KNDC1: variants seen among roughly 807,000 people sequenced by gnomAD.
KNDC1 encodes kinase non-catalytic C-lobe domain-containing protein 1.
KNDC1 carries 106 observed loss-of-function variants against 172.8 expected under a neutral mutation model. The ratio of observed to expected loss-of-function variants is 0.61; its 90% CI spans 0.52 to 0.72. The LOEUF (loss-of-function observed/expected upper bound fraction) is 0.72, where lower values mean the gene tolerates loss of function less well. KNDC1 is among the 30% of genes least tolerant of loss of function. KNDC1 has a pLI of 0.00. For synonymous variants in KNDC1, 1,083 were observed against 1,062.2 expected, an observed-to-expected ratio of 1.02 and a Z score of -0.38; for missense variants, 2,325 against 2,394.5, an observed-to-expected ratio of 0.97 and a Z score of 0.61.
chr10:133,221,581 G>C (rs1051700103), intron 29 of KNDC1, among the ~76,000 whole-genome samples: 2 of 152,196 alleles, frequency 1.3e-5, no homozygotes, highest in Admixed American at 1.3e-4. Flanking sequence ...CCCAGGCCAC[G>C]GCGGCTCCAC....
chr10:133,180,982 A>C (rs1305634685), intron 3 of KNDC1, among the ~76,000 whole-genome samples: 1 of 152,250 alleles, frequency 6.6e-6, no homozygotes, highest in African/African-American at 2.4e-5. Flanking sequence ...GGTTTGTCGC[A>C]GCTGTCAGAA....
intron 9 of KNDC1, 116 bp from the exon 10 acceptor site, chr10:133,195,547 G>C (rs1455791563): frequency 1.0e-6 from 1 of 982,554 alleles, no homozygotes; most frequent in African/African-American, 1.7e-5. Context: ...CTTGAGGAGA[G>C]CCCCTCTGTG....
chr10:133,205,371 C>T (rs1845157452), intron 17 of KNDC1, among the ~76,000 whole-genome samples: 1 of 152,256 alleles, frequency 6.6e-6, no homozygotes, highest in African/African-American at 2.4e-5. Context: ...GTGATCAGGA[C>T]CTGCCCGTCT....
intron 26 of KNDC1, among the ~76,000 whole-genome samples, chr10:133,214,898 G>A (rs1364287195): frequency 6.6e-6 from 1 of 152,324 alleles, no homozygotes; most frequent in East Asian, 1.9e-4. Flanking sequence ...GGGCTTACCT[G>A]CCCAGGAGGC....
Position 133,224,649 on chromosome 10 carries a change from T to C in KNDC1, c.5019-10T>C. ...GTGCAAACTAACGTCTCTTCTTTCC[T>C]CAACGGAAGGAACATCGCAAAGGTG... On this transcript the variant is annotated splice_polypyrimidine_tract_variant and intron_variant, in intron 29 of 29. Transcript: ENST00000304613. The surrounding 1 kb of genome is among the most constrained non-coding windows in gnomAD (Gnocchi z 5.4). 1.2e-6 allele frequency: 2 copies of C among 1,611,154 alleles called. No individual in the cohort carries two copies. Among genetic ancestry groups the C allele is most frequent in the Non-Finnish European group, 1.7e-6 (2 of 1,177,530 alleles).
chr10:133,185,973 G>T lies in KNDC1; in HGVS notation c.626-1G>T. 7.0e-7 allele frequency: 1 copy of T among 1,435,632 alleles called. No individual in the cohort carries two copies. Among genetic ancestry groups the T allele is most frequent in the Non-Finnish European group, 9.3e-7 (1 of 1,077,408 alleles). 88.9% of individuals were successfully genotyped at this position (1,435,632 alleles called of 1,614,324 possible). A position where few individuals can be genotyped will look rare whatever the true frequency, so the allele number is the denominator to read the frequency against. On this transcript the variant is annotated splice_acceptor_variant, in intron 5 of 29. Coordinates refer to ENST00000304613, the MANE Select transcript of KNDC1 (RefSeq NM_152643.8). LOFTEE classifies it high-confidence loss of function. ...CGTGACCACATCTTGCTTGTGCCCA[G>T]ATGTCAGCGAGAGCAGCTGGCGGGA... is the stretch of plus-strand genomic sequence containing the variant.
rs1281936939 is a variant in KNDC1 at position 133,218,962 on chromosome 10, C to T, written c.4800+9C>T. The stretch of plus-strand genomic sequence containing the variant: ...CCGTGAGGCAGTCCCCTGTGCGTCC[C>T]CCTCGGGCCCCAAGGCGGGGGTGGG... On this transcript the variant is annotated intron_variant, in intron 27 of 29. Transcript: ENST00000304613. 1.8e-5 allele frequency: 29 copies of T among 1,613,732 alleles called. No homozygotes were observed. In the East Asian group the frequency reaches 5.6e-4, roughly 31 times the overall value.
rs746793385 is a variant in KNDC1 at position 133,219,020 on chromosome 10, T to C, written c.4801-11T>C. 1 of 1,613,986 alleles carries C rather than the reference T, an allele frequency of 6.2e-7. No individual in the cohort carries two copies. The highest frequency in any genetic ancestry group is 1.1e-5 in the South Asian group (1 of 91,084). On this transcript the variant is annotated splice_polypyrimidine_tract_variant and intron_variant, in intron 27 of 29. Transcript: ENST00000304613. ...ACGGCCGCAGGAGGCTCACCTGTGC[T>C]TTCATTTCAGGCCTGGAGAATTCTG...
Position 133,167,528 on chromosome 10 carries a change from A to G in KNDC1, c.250A>G (p.Thr84Ala). ...IFQSLCITPD[T>A]LAFNTSGNVC... ...CCAGAGCCTGTGCATCACGCCCGAC[A>G]CCCTGGCCTTCAACACCAGCGGGAA... Residue 84 changes from threonine to alanine, a missense_variant, in exon 2 of 30, where the codon ACC becomes GCC. Transcript: ENST00000304613. The G allele has an allele frequency of 6.2e-7, 1 of 1,603,654 alleles. No individual in the cohort carries two copies. Among genetic ancestry groups the G allele is most frequent in the Non-Finnish European group, 8.5e-7 (1 of 1,175,652 alleles).
chr10:133,201,034 C>T (rs1160668414), intron 16 of KNDC1, among the ~76,000 whole-genome samples: 1 of 152,220 alleles, frequency 6.6e-6, no homozygotes, highest in Admixed American at 6.5e-5. Flanking sequence ...AGTCGGAGAC[C>T]AGGCGGGCAG....
intron 3 of KNDC1, among the ~76,000 whole-genome samples, chr10:133,177,907 T>TG (rs1554912068): frequency 1.9e-4 from 29 of 150,434 alleles, no homozygotes; most frequent in African/African-American, 4.4e-4. Context: ...GTGTGTGCAG[T>TG]GTGTGTGTGC....
At chr10:133,200,838 G>A (rs76817949) in intron 16 of KNDC1, among the ~76,000 whole-genome samples, 6,878 of 152,332 alleles carry the variant, frequency 0.045, 214 homozygotes, top group Middle Eastern at 0.068. Flanking sequence ...CCTGTGAGCC[G>A]GGGCTTTGGT....
chr10:133,211,681 C>A lies in KNDC1; in HGVS notation c.4059C>A (p.Ile1353=). The A allele has an allele frequency of 6.3e-7, 1 of 1,596,754 alleles. No homozygotes were observed. The highest frequency in any genetic ancestry group is 1.1e-5 in the South Asian group (1 of 89,586). Residue 1353 remains isoleucine (I), a splice_region_variant and synonymous_variant, in exon 23 of 30, where the codon ATC becomes ATA. Coordinates refer to ENST00000304613, the MANE Select transcript of KNDC1 (RefSeq NM_152643.8). ...CCCACCACTGTGCTTCTGCCTAGATCCTACCCCTGGACGGCTCTGCCAAGC... is the reference window on the plus strand; with the variant it reads ...CCCACCACTGTGCTTCTGCCTAGATACTACCCCTGGACGGCTCTGCCAAGC... ...GKLEDFISSK[I]LPLDGSAKHL...
At chr10:133,166,451 GGGTGTGCA>G (rs11279882) in intron 1 of KNDC1, among the ~76,000 whole-genome samples, 21,337 of 152,146 alleles carry the variant, frequency 0.14, 1,584 homozygotes, top group Middle Eastern at 0.23. Context: ...GGGTGTGTGC[GGGTGTGCA>G]TGTCTGTGCG....
intron 3 of KNDC1, among the ~76,000 whole-genome samples, chr10:133,176,593 G>C (rs1301777995): frequency 6.6e-6 from 1 of 152,160 alleles, no homozygotes; most frequent in Non-Finnish European, 1.5e-5. Context: ...TCTTTGCCCA[G>C]GTTGCTCCTT....
At position 133,160,633 on chromosome 10, in the gene KNDC1, G is replaced by C. The variant is rs1039205798; in HGVS notation, c.102+64G>C. 4.1e-6 allele frequency: 5 copies of C among 1,209,370 alleles called. No homozygotes were observed. In the Admixed American group the frequency reaches 9.3e-5, roughly 22 times the overall value. The allele number at this position is 1,209,370 out of a possible 1,614,324, so 74.9% of individuals were successfully genotyped here. On this transcript the variant is annotated intron_variant, in intron 1 of 29. Transcript: ENST00000304613. The stretch of plus-strand genomic sequence containing the variant: ...CGAGGGGTCCGCGGAGAGCGCCCGG[G>C]GGGAGGACCCGGGAGGGGCTGTGAG...
rs1164943173 is a variant in KNDC1, at chr10:133,195,758, C to T, written c.1671C>T (p.Thr557=). ...TGGCCCTGCCACGCAGGCTCAAGAC[C>T]CTCCTCCTGGACATGGCCAGGCGCA... is the stretch of plus-strand genomic sequence containing the variant. ...HKLALPRRLK[T]LLLDMARRSA... The change falls in exon 10 of 30, where the codon ACC becomes ACT. Residue 557 remains threonine (T), a synonymous_variant. Coordinates refer to ENST00000304613, the MANE Select transcript of KNDC1 (RefSeq NM_152643.8). The T allele has an allele frequency of 1.9e-6, 3 of 1,609,408 alleles. No homozygotes were observed. Among genetic ancestry groups the T allele is most frequent in the Admixed American group, 1.7e-5 (1 of 59,650 alleles).
In KNDC1 at chr10:133,172,735, T is replaced by C. The variant is rs569700640; in HGVS notation, c.360+4423T>C. Reference sequence around the variant, plus strand: ...CTGGCTGGGCACAGTGGCTCACCCCTATAATCCCAGCACAGGGAGATTTGG... The same window carrying C: ...CTGGCTGGGCACAGTGGCTCACCCCCATAATCCCAGCACAGGGAGATTTGG... On this transcript the variant is annotated intron_variant, in intron 3 of 29. Transcript: ENST00000304613. Among the ~76,000 whole-genome samples the C allele has an allele frequency of 7.5e-4, 114 of 152,334 alleles. 2 individuals are homozygous for C. The highest frequency in any genetic ancestry group is 3.4e-4 in the Non-Finnish European group (23 of 68,036).
At chr10:133,184,733 G>A (rs2135975327) in intron 5 of KNDC1, among the ~76,000 whole-genome samples, 1 of 152,410 alleles carries the variant, frequency 6.6e-6, no homozygotes, top group Middle Eastern at 3.4e-3. Flanking sequence ...CACCCACGCA[G>A]GCAGAGGTGA....
Sources: allele counts gnomAD v4.1 joint callset (sites outside exome capture counted in the v4.1 genomes callset), GRCh38; gene constraint gnomAD v4.1.1; non-coding constraint Gnocchi (gnomAD v3.1); transcripts MANE v1.5; gene names NCBI Gene and HGNC (gene_info 2026-07-23, HGNC 2026-07-21).